Variants in NOLC1 observed in about 807,000 individuals in gnomAD.
NOLC1 encodes the protein nucleolar and coiled-body phosphoprotein 1.
In NOLC1, 37 loss-of-function variants were observed where a neutral mutation model predicts 73.4. That is an observed-to-expected ratio of 0.50 (90% CI 0.39 to 0.66). The LOEUF (loss-of-function observed/expected upper bound fraction) is 0.66, where lower values mean the gene tolerates loss of function less well. Among genes scored for constraint, NOLC1 ranks in the 30% least tolerant of loss-of-function variants. The pLI, the probability that NOLC1 is intolerant of heterozygous loss-of-function variation, is 0.00. For missense variants in NOLC1, 921 were observed against 838.9 expected (o/e 1.10, Z -1.21); for synonymous variants, 327 against 302.6 (o/e 1.08, Z -0.84).
rs555819618 is a variant in NOLC1, at chr10:102,159,656, G to A, written c.859+88G>A. 30 of 1,366,300 alleles carry A rather than the reference G, an allele frequency of 2.2e-5. No individual in the cohort carries two copies. The East Asian group carries it at 5.1e-4, about 23-fold the overall frequency. 84.6% of individuals were successfully genotyped at this position (1,366,300 alleles called of 1,614,324 possible). ...TGGACCTCTCCATAGAGGTGCATGA[G>A]CGTCCTCATGACATGACAGCTAGCT... On this transcript the variant is annotated intron_variant, in intron 7 of 12. Coordinates refer to ENST00000605788, the MANE Select transcript of NOLC1 (RefSeq NM_004741.5).
intron 1 of NOLC1, among the ~76,000 whole-genome samples, chr10:102,156,685 G>A (rs552020535): frequency 9.9e-5 from 15 of 152,078 alleles, no homozygotes; most frequent in African/African-American, 2.9e-4. Context: ...TGCCTGCCTC[G>A]GCCTCCCAAA....
Position 102,162,291 on chromosome 10 carries a change from G to C in NOLC1, c.*22G>C. ...GTGACCTGAGGCCATCTTCGGTGAA[G>C]CAAGGGTGATGATCGGAGACTACTT... On this transcript the variant is annotated 3_prime_UTR_variant, in exon 13 of 13. Transcript: ENST00000605788. 1 of 1,610,980 alleles carries C rather than the reference G, an allele frequency of 6.2e-7. No homozygotes were observed. Among genetic ancestry groups the C allele is most frequent in the South Asian group, 1.1e-5 (1 of 90,790 alleles).
chr10:102,161,120 G>A (rs2069702649), intron 10 of NOLC1, 27 bp downstream of exon 10: 6 of 1,566,488 alleles, frequency 3.8e-6, no homozygotes, highest in Non-Finnish European at 4.3e-6. Flanking sequence ...CATGCCCTCT[G>A]GGTTTTGTCC....
chr10:102,154,029 C>G (rs2069549515), intron 1 of NOLC1, among the ~76,000 whole-genome samples: 1 of 150,556 alleles, frequency 6.6e-6, no homozygotes, highest in South Asian at 2.1e-4. Flanking sequence ...TTGTGAAGAG[C>G]TAACTAAGGG....
chr10:102,162,406 G>A lies in NOLC1; in HGVS notation c.*137G>A. On this transcript the variant is annotated 3_prime_UTR_variant, in exon 13 of 13. Transcript: ENST00000605788. ...TTAGAGTAGGTCCTAAGACTTTACA[G>A]TGTAACATCCTCTCTGGTCCTTTTC... 1 of 823,822 alleles carries A rather than the reference G, an allele frequency of 1.2e-6. No homozygotes were observed. 51.0% of individuals were successfully genotyped at this position (823,822 alleles called of 1,614,324 possible). A position where few individuals can be genotyped will look rare whatever the true frequency, so the allele number is the denominator to read the frequency against.
At position 102,162,292 on chromosome 10, in the gene NOLC1, C is replaced by T. The variant is rs752567882; in HGVS notation, c.*23C>T. On this transcript the variant is annotated 3_prime_UTR_variant, in exon 13 of 13. Transcript: ENST00000605788. ...TGACCTGAGGCCATCTTCGGTGAAG[C>T]AAGGGTGATGATCGGAGACTACTTA... is the stretch of plus-strand genomic sequence containing the variant. 2 of 1,610,452 alleles carry T rather than the reference C, an allele frequency of 1.2e-6. No individual in the cohort carries two copies. Among genetic ancestry groups the T allele is most frequent in the Non-Finnish European group, 1.7e-6 (2 of 1,177,644 alleles).
At chr10:102,152,835 T>A (rs1410687374) in intron 1 of NOLC1, among the ~76,000 whole-genome samples, 1 of 151,936 alleles carries the variant, frequency 6.6e-6, no homozygotes. Context: ...GGAGGTAGAG[T>A]CTTGTTCCAC....
Position 102,152,493 on chromosome 10 carries a change from C to G in NOLC1, c.83C>G (p.Ser28Ter), listed in dbSNP as rs2069522459. 1 of 1,613,780 alleles carries G rather than the reference C, an allele frequency of 6.2e-7. No homozygotes were observed. The highest frequency in any genetic ancestry group is 1.3e-5 in the African/African-American group (1 of 74,960). The change falls in exon 1 of 13, where the codon TCA becomes TGA. Residue 28 changes from serine to a stop codon, truncating the protein, a stop_gained. Coordinates refer to ENST00000605788, the MANE Select transcript of NOLC1 (RefSeq NM_004741.5). LOFTEE classifies it high-confidence loss of function. ...GGCTTCCTGCGCGATAACCAACTCT[C>G]AGAGGTGGCCAATAAGTTCGCCAAA... ...VLGFLRDNQL[S>*]EVANKFAKAT...
At chr10:102,154,807 C>A (rs551165407) in intron 1 of NOLC1, among the ~76,000 whole-genome samples, 1 of 151,540 alleles carries the variant, frequency 6.6e-6, no homozygotes, top group Non-Finnish European at 1.5e-5. Context: ...GATTACAGGC[C>A]CGTGAGCCAC....
intron 5 of NOLC1, among the ~76,000 whole-genome samples, chr10:102,158,675 A>T (rs1590378006): frequency 6.6e-6 from 1 of 152,248 alleles, no homozygotes; most frequent in East Asian, 1.9e-4. Context: ...GGGCGTATTG[A>T]GATTATTTAT....
intron 1 of NOLC1, among the ~76,000 whole-genome samples, chr10:102,155,746 G>A (rs1024723170): frequency 1.3e-5 from 2 of 152,116 alleles, no homozygotes; most frequent in Non-Finnish European, 2.9e-5. Context: ...CTGACATCAT[G>A]ATCTGCCTAC....
intron 1 of NOLC1, among the ~76,000 whole-genome samples, chr10:102,155,313 A>G (rs2069577511): frequency 6.6e-6 from 1 of 151,404 alleles, no homozygotes; most frequent in Non-Finnish European, 1.5e-5. Flanking sequence ...GCGTTTAGCC[A>G]CCACAGGCCA....
rs762920753 is a variant in NOLC1, at chr10:102,158,152, A to G, written c.545A>G (p.Asn182Ser). The change falls in exon 5 of 13, where the codon AAC (asparagine) becomes AGC (serine). Residue 182 changes from asparagine to serine, a missense_variant. Transcript: ENST00000605788. The part of the protein sequence containing the change: ...DSSSEDEPPK[N>S]QKPKITPVTV... ...AGCTCCGAGGATGAGCCACCAAAGA[A>G]CCAGAAGCCAAAGATAACACCTGTG... 1 of 1,614,154 alleles carries G rather than the reference A, an allele frequency of 6.2e-7. No individual in the cohort carries two copies. Among genetic ancestry groups the G allele is most frequent in the Non-Finnish European group, 8.5e-7 (1 of 1,180,018 alleles).
chr10:102,159,652 A>T (rs967203181), intron 7 of NOLC1, 84 bp downstream of exon 7: 1 of 1,396,100 alleles, frequency 7.2e-7, no homozygotes, highest in Non-Finnish European at 9.7e-7. Flanking sequence ...ATAGAGGTGC[A>T]TGAGCGTCCT....
chr10:102,157,187 A>G lies in NOLC1; in HGVS notation c.177-2A>G. On this transcript the variant is annotated splice_acceptor_variant, in intron 2 of 12. Coordinates refer to ENST00000605788, the MANE Select transcript of NOLC1 (RefSeq NM_004741.5). LOFTEE classifies it high-confidence loss of function. ...AGAAATTGGTCCAATCTACCTCAGCAGGTCTGCCAAGGTCCCAGAGCGAAA... is the reference window on the plus strand; with the variant it reads ...AGAAATTGGTCCAATCTACCTCAGCGGGTCTGCCAAGGTCCCAGAGCGAAA... 6.2e-7 allele frequency: 1 copy of G among 1,614,054 alleles called. No homozygotes were observed.
At chr10:102,159,843 CA>C (rs759330032) in intron 7 of NOLC1, 52 bp from the exon 8 acceptor site, 2 of 1,449,166 alleles carry the variant, frequency 1.4e-6, no homozygotes, top group South Asian at 1.5e-5. Context: ...AAAGTAGTAT[CA>C]AAAAAAGTTG....
intron 1 of NOLC1, among the ~76,000 whole-genome samples, chr10:102,153,121 C>A (rs888263548): frequency 1.3e-5 from 2 of 152,198 alleles, no homozygotes; most frequent in African/African-American, 4.8e-5. Context: ...TCAAACAAAC[C>A]TAGGTTTGGG....
chr10:102,163,803 AT>A lies in NOLC1; in HGVS notation c.*1537del, dbSNP rs1399844928. On this transcript the variant is annotated 3_prime_UTR_variant, in exon 13 of 13. Coordinates refer to ENST00000605788, the MANE Select transcript of NOLC1 (RefSeq NM_004741.5). ...ATGTACTGTTCATGCTGACACAGATATTTCAGTCTGCATGGTAAAAGTTCTA... is the reference window on the plus strand; with the variant it reads ...ATGTACTGTTCATGCTGACACAGATATTCAGTCTGCATGGTAAAAGTTCTA... 1 of 152,216 alleles carries A rather than the reference AT, an allele frequency of 6.6e-6. No homozygotes were observed. The highest frequency in any genetic ancestry group is 1.5e-5 in the Non-Finnish European group (1 of 68,036). The allele number at this position is 152,216 out of a possible 1,614,324, so 9.4% of individuals were successfully genotyped here. A position where few individuals can be genotyped will look rare whatever the true frequency, so the allele number is the denominator to read the frequency against.
intron 5 of NOLC1, among the ~76,000 whole-genome samples, chr10:102,158,924 G>A (rs1251647709): frequency 6.6e-6 from 1 of 151,778 alleles, no homozygotes; most frequent in African/African-American, 2.4e-5. Flanking sequence ...GCGAAACCCT[G>A]TGTCTACTAA....
Sources: gnomAD v4.1 joint callset for allele counts (sites outside exome capture counted in the v4.1 genomes callset) on GRCh38, gnomAD v4.1.1 for gene constraint, MANE v1.5 for transcripts, NCBI Gene and HGNC (gene_info 2026-07-23, HGNC 2026-07-21) for gene names.